The following DAAM1 variants were observed in gnomAD, a reference collection of about 807,000 sequenced individuals.
DAAM1 encodes the protein dishevelled associated activator of morphogenesis 1.
A neutral mutation model predicts 130.0 loss-of-function variants in DAAM1; 52 were observed. The ratio of observed to expected loss-of-function variants is 0.40; its 90% CI spans 0.32 to 0.50. The LOEUF (loss-of-function observed/expected upper bound fraction) is 0.50. Among genes scored for constraint, DAAM1 ranks in the 20% least tolerant of loss-of-function variants. The pLI, the probability that DAAM1 is intolerant of heterozygous loss-of-function variation, is 0.61. For missense variants in DAAM1, 1,134 were observed against 1,303.8 expected, an observed-to-expected ratio of 0.87 and a Z score of 2.01; for synonymous variants, 452 against 444.5, an observed-to-expected ratio of 1.02 and a Z score of -0.21.
intron 1 of DAAM1, among the ~76,000 whole-genome samples, chr14:59,224,480 C>T (rs1345900886): frequency 6.6e-6 from 1 of 152,180 alleles, no homozygotes; most frequent in Admixed American, 6.5e-5. Flanking sequence ...TGGCCTTTCC[C>T]ACTGTAATAC....
At chr14:59,351,393 T>G (rs911895785) in intron 17 of DAAM1, among the ~76,000 whole-genome samples, 2 of 152,156 alleles carry the variant, frequency 1.3e-5, no homozygotes, top group Non-Finnish European at 1.5e-5. Context: ...TTAAGGTATG[T>G]CCCAGTGCCC....
intron 2 of DAAM1, chr14:59,264,794 T>G (rs573697812): frequency 6.6e-6 from 1 of 152,338 alleles, no homozygotes; most frequent in South Asian, 2.1e-4. Context: ...TTCGCTGTTC[T>G]TCCTGATACT....
At chr14:59,345,915 A>G (rs2139658643) in intron 16 of DAAM1, among the ~76,000 whole-genome samples, 1 of 152,310 alleles carries the variant, frequency 6.6e-6, no homozygotes, top group East Asian at 1.9e-4. Flanking sequence ...AAGTGATCAT[A>G]ATTACCATAC....
intron 1 of DAAM1, among the ~76,000 whole-genome samples, chr14:59,236,711 G>A (rs1382984327): frequency 6.6e-6 from 1 of 152,134 alleles, no homozygotes; most frequent in Non-Finnish European, 1.5e-5. Context: ...CCTCTGTGAT[G>A]ACTCAGGGTG....
At chr14:59,193,905 C>T (rs980439777) in intron 1 of DAAM1, among the ~76,000 whole-genome samples, 10 of 152,128 alleles carry the variant, frequency 6.6e-5, no homozygotes, top group African/African-American at 2.2e-4. Context: ...AATTTGATAC[C>T]GATATTGTAT....
At chr14:59,231,028 A>G (rs17833810) in intron 1 of DAAM1, among the ~76,000 whole-genome samples, 49,887 of 152,068 alleles carry the variant, frequency 0.33, 9,796 homozygotes, top group East Asian at 0.49. Context: ...ACACTAAGAC[A>G]GATCAAATTC....
At chr14:59,364,335 T>G (rs1396015414) in intron 23 of DAAM1, among the ~76,000 whole-genome samples, 1 of 152,198 alleles carries the variant, frequency 6.6e-6, no homozygotes, top group Non-Finnish European at 1.5e-5. Flanking sequence ...AGAGGTTTTT[T>G]TTTTTTTCAG....
intron 2 of DAAM1, among the ~76,000 whole-genome samples, chr14:59,278,307 C>A (rs1293957317): frequency 6.6e-6 from 1 of 152,000 alleles, no homozygotes; most frequent in Non-Finnish European, 1.5e-5. Flanking sequence ...CTCATGGAAC[C>A]ATGAGGATGC....
chr14:59,292,056 C>G (rs551420494), intron 3 of DAAM1, among the ~76,000 whole-genome samples: 1 of 152,272 alleles, frequency 6.6e-6, no homozygotes, highest in Admixed American at 6.5e-5. Context: ...AGAGTGCACT[C>G]TGCCAACTTT....
At chr14:59,311,052 A>G (rs1474455216) in intron 3 of DAAM1, among the ~76,000 whole-genome samples, 11 of 152,228 alleles carry the variant, frequency 7.2e-5, no homozygotes, top group Non-Finnish European at 1.5e-5. Context: ...GTCCTGTGCT[A>G]ACTTCAGAAG....
intron 15 of DAAM1, chr14:59,338,327 T>C (rs1375355655): frequency 5.7e-6 from 9 of 1,577,278 alleles, no homozygotes; most frequent in Non-Finnish European, 7.8e-6. Context: ...TTTGTTGCTG[T>C]GACTTCTGAA....
At chr14:59,305,202 C>T (rs1759641267) in intron 3 of DAAM1, among the ~76,000 whole-genome samples, 1 of 152,296 alleles carries the variant, frequency 6.6e-6, no homozygotes, top group South Asian at 2.1e-4. Context: ...TCCATGGTGA[C>T]ATGTGGATCA....
At chr14:59,257,551 G>C (rs1391002849) in intron 1 of DAAM1, among the ~76,000 whole-genome samples, 1 of 152,216 alleles carries the variant, frequency 6.6e-6, no homozygotes, top group African/African-American at 2.4e-5. Context: ...CACTGTAGAC[G>C]TGTGGGCTGA....
intron 3 of DAAM1, among the ~76,000 whole-genome samples, chr14:59,296,547 G>C (rs554124146): frequency 6.6e-6 from 1 of 152,300 alleles, no homozygotes; most frequent in South Asian, 2.1e-4. Context: ...GTAATCAAAT[G>C]TTGTCATAAG....
intron 1 of DAAM1, among the ~76,000 whole-genome samples, chr14:59,197,922 G>A (rs1177404823): frequency 6.6e-6 from 1 of 152,194 alleles, no homozygotes; most frequent in Non-Finnish European, 1.5e-5. Context: ...AATGAGAGCT[G>A]TGAGGCAGCT....
intron 1 of DAAM1, among the ~76,000 whole-genome samples, chr14:59,237,144 G>C (rs914154465): frequency 6.6e-6 from 1 of 152,202 alleles, no homozygotes; most frequent in Non-Finnish European, 1.5e-5. Flanking sequence ...TATGTGGAAA[G>C]GGTGGATTGG....
chr14:59,258,275 C>G (rs1882002367), intron 1 of DAAM1, among the ~76,000 whole-genome samples: 1 of 152,200 alleles, frequency 6.6e-6, no homozygotes, highest in African/African-American at 2.4e-5. Context: ...ATAAACATCT[C>G]TACCTTTACC....
At chr14:59,190,344 C>T (rs1887695096) in intron 1 of DAAM1, among the ~76,000 whole-genome samples, 1 of 152,164 alleles carries the variant, frequency 6.6e-6, no homozygotes, top group Non-Finnish European at 1.5e-5. Flanking sequence ...TGAAAAATCT[C>T]TTCCCCCTTT....
intron 2 of DAAM1, among the ~76,000 whole-genome samples, chr14:59,290,399 C>G (rs931770866): frequency 3.3e-5 from 5 of 152,138 alleles, no homozygotes; most frequent in Non-Finnish European, 1.5e-5. Flanking sequence ...GGTGTGCAGT[C>G]TTGAATAACT....
Sources: gnomAD v4.1 joint callset for allele counts (sites outside exome capture counted in the v4.1 genomes callset) on GRCh38, gnomAD v4.1.1 for gene constraint, MANE v1.5 for transcripts, NCBI Gene and HGNC (gene_info 2026-07-23, HGNC 2026-07-21) for gene names.